Variants in CDH3 observed in about 807,000 individuals in gnomAD.
CDH3 encodes cadherin 3.
CDH3 carries 54 observed loss-of-function variants against 82.0 expected under a neutral mutation model. The observed-to-expected ratio is 0.66, with a 90% CI of 0.53 to 0.83. The LOEUF (loss-of-function observed/expected upper bound fraction) is 0.83, where lower values mean the gene tolerates loss of function less well. Among genes scored for constraint, CDH3 ranks in the 40% least tolerant of loss-of-function variants. The probability of loss-of-function intolerance (pLI) is 0.00; values close to 1 mark genes in which losing one functional copy is unlikely to be tolerated. For synonymous variants in CDH3, 446 were observed against 437.9 expected, an observed-to-expected ratio of 1.02 and a Z score of -0.23; for missense variants, 1,054 against 1,084.6, an observed-to-expected ratio of 0.97 and a Z score of 0.40.
chr16:68,675,209 A>G (rs1470294459), intron 2 of CDH3, among the ~76,000 whole-genome samples: 1 of 152,220 alleles, frequency 6.6e-6, no homozygotes, highest in East Asian at 1.9e-4. Context: ...CAAAATAATA[A>G]TAATCTGAAA....
chr16:68,695,761 C>T lies in CDH3; in HGVS notation c.2134-16C>T, dbSNP rs201401019. 19 of 1,614,008 alleles carry T rather than the reference C, an allele frequency of 1.2e-5. No individual in the cohort carries two copies. The African/African-American group carries it at 2.3e-4, about 19-fold the overall frequency. On this transcript the variant is annotated splice_polypyrimidine_tract_variant and intron_variant, in intron 14 of 15. Coordinates refer to ENST00000264012, the MANE Select transcript of CDH3 (RefSeq NM_001793.6). ...CAGGAGTCCTCAGTCACCTGCTCTCCTGCATTTCCCCACAGGACTATGACA... is the reference window on the plus strand; with the variant it reads ...CAGGAGTCCTCAGTCACCTGCTCTCTTGCATTTCCCCACAGGACTATGACA...
intron 2 of CDH3, among the ~76,000 whole-genome samples, chr16:68,666,703 C>T (rs558467264): frequency 1.3e-5 from 2 of 152,180 alleles, no homozygotes; most frequent in Non-Finnish European, 2.9e-5. Context: ...AAGAATAAAA[C>T]TATAAATATT....
Position 68,680,961 on chromosome 16 carries a change from TC to T in CDH3, c.868-3del. ...CACAATGGGCTTCCCCTCTCCTTTC[TC>T]CCCAGAAAGTCCCTGAGTACACACT... On this transcript the variant is annotated splice_region_variant and splice_polypyrimidine_tract_variant and intron_variant, in intron 7 of 15. Transcript: ENST00000264012. 6.2e-7 allele frequency: 1 copy of T among 1,614,016 alleles called. No homozygotes were observed. The highest frequency in any genetic ancestry group is 8.5e-7 in the Non-Finnish European group (1 of 1,179,962).
intron 1 of CDH3, among the ~76,000 whole-genome samples, chr16:68,712,804 C>T (rs1962046919): frequency 6.6e-6 from 1 of 152,084 alleles, no homozygotes; most frequent in South Asian, 2.1e-4. Flanking sequence ...GCCTCAGCCT[C>T]CCAAGTAGCT....
chr16:68,653,783 A>T (rs1442887302), intron 2 of CDH3, among the ~76,000 whole-genome samples: 14 of 144,878 alleles, frequency 9.7e-5, no homozygotes, highest in Non-Finnish European at 1.5e-5. Context: ...TCCGCCTCCC[A>T]GGTTCATGCC....
intron 9 of CDH3, among the ~76,000 whole-genome samples, chr16:68,683,960 G>A (rs576962938): frequency 4.0e-5 from 6 of 151,336 alleles, no homozygotes; most frequent in African/African-American, 1.2e-4. Flanking sequence ...CCAGCTACTC[G>A]AGAGGCTGAG....
Position 68,687,700 on chromosome 16 carries a change from T to C in CDH3, c.1759T>C (p.Ser587Pro), listed in dbSNP as rs745956738. Residue 587 changes from serine (S) to proline (P), a missense_variant, in exon 12 of 16, where the codon TCA (serine) becomes CCA (proline). Ser to Pro is a moderately conservative substitution (Grantham distance 74, BLOSUM62 -1). Coordinates refer to ENST00000264012, the MANE Select transcript of CDH3 (RefSeq NM_001793.6). ...SPFQAQLTDDSDIYWTAEVNE... is the reference protein window; with the variant it reads ...SPFQAQLTDDPDIYWTAEVNE... Reference sequence around the variant, plus strand: ...TTTCCAGGCCCAGCTCACAGATGACTCAGACATCTACTGGACGGCAGAGGT... The same window carrying C: ...TTTCCAGGCCCAGCTCACAGATGACCCAGACATCTACTGGACGGCAGAGGT... 6.2e-7 allele frequency: 1 copy of C among 1,613,964 alleles called. No individual in the cohort carries two copies. The highest frequency in any genetic ancestry group is 1.1e-5 in the South Asian group (1 of 91,058).
At chr16:68,714,747 A>G (rs1282223067) in intron 1 of CDH3, among the ~76,000 whole-genome samples, 1 of 152,212 alleles carries the variant, frequency 6.6e-6, no homozygotes, top group Non-Finnish European at 1.5e-5. Flanking sequence ...GGCCGGGTTC[A>G]GTGGTTTGTC....
At chr16:68,649,323 G>A (rs1329974979) in intron 2 of CDH3, among the ~76,000 whole-genome samples, 2 of 152,170 alleles carry the variant, frequency 1.3e-5, no homozygotes, top group African/African-American at 4.8e-5. Flanking sequence ...ATCTGACTGA[G>A]CACAAATTAA....
intron 9 of CDH3, among the ~76,000 whole-genome samples, chr16:68,684,353 T>C (rs562535019): frequency 2.4e-4 from 36 of 152,306 alleles, no homozygotes; most frequent in Non-Finnish European, 4.3e-4. Context: ...CTGGGAACCA[T>C]TGATCTAGGG....
rs768792420 is a variant in CDH3, at chr16:68,695,771, C to T, written c.2134-6C>T. On this transcript the variant is annotated splice_polypyrimidine_tract_variant and splice_region_variant and intron_variant, in intron 14 of 15. Coordinates refer to ENST00000264012, the MANE Select transcript of CDH3 (RefSeq NM_001793.6). Reference sequence around the variant, plus strand: ...CAGTCACCTGCTCTCCTGCATTTCCCCACAGGACTATGACATCACCCAGCT... The same window carrying T: ...CAGTCACCTGCTCTCCTGCATTTCCTCACAGGACTATGACATCACCCAGCT... 5.0e-6 allele frequency: 8 copies of T among 1,613,938 alleles called. No individual in the cohort carries two copies. Among genetic ancestry groups the T allele is most frequent in the South Asian group, 1.1e-5 (1 of 91,082 alleles).
At chr16:68,676,235 T>C in intron 2 of CDH3, 150 bp from the exon 3 acceptor site, 1 of 698,206 alleles carries the variant, frequency 1.4e-6, no homozygotes, top group Non-Finnish European at 2.6e-6. Context: ...TTAGTCACAC[T>C]CCTGGTCAGA....
At chr16:68,687,434 G>A in intron 11 of CDH3, 78 bp from the exon 12 acceptor site, 1 of 1,076,790 alleles carries the variant, frequency 9.3e-7, no homozygotes, top group Admixed American at 1.7e-5. Context: ...GTGAGAGCTG[G>A]GCGGTAAACA....
intron 8 of CDH3, among the ~76,000 whole-genome samples, chr16:68,681,495 C>A (rs181744845): frequency 1.3e-5 from 2 of 152,232 alleles, no homozygotes; most frequent in Non-Finnish European, 2.9e-5. Context: ...TACATCCTCC[C>A]CCTTCCATCT....
intron 8 of CDH3, among the ~76,000 whole-genome samples, chr16:68,681,809 G>A (rs1961237200): frequency 6.6e-6 from 1 of 152,180 alleles, no homozygotes; most frequent in African/African-American, 2.4e-5. Context: ...CTGCACTCCA[G>A]CCTGAGCGGC....
chr16:68,645,849 G>C (rs1453308936), intron 2 of CDH3, 99 bp downstream of exon 2: 5 of 896,530 alleles, frequency 5.6e-6, no homozygotes, highest in Non-Finnish European at 1.7e-6. Context: ...GGGACTCCTG[G>C]CGCCACCTCA....
At chr16:68,693,334 G>A (rs1371449598) in intron 13 of CDH3, among the ~76,000 whole-genome samples, 1 of 152,066 alleles carries the variant, frequency 6.6e-6, no homozygotes, top group East Asian at 1.9e-4. Flanking sequence ...CTAGGAGGCT[G>A]TAGCCATAAT....
intron 12 of CDH3, 86 bp from the exon 13 acceptor site, chr16:68,691,634 A>G (rs1365169397): frequency 8.0e-6 from 8 of 1,002,126 alleles, no homozygotes. Context: ...CACATGTGGA[A>G]GCCGTATTCT....
chr16:68,670,908 A>T (rs1960867157), intron 2 of CDH3, among the ~76,000 whole-genome samples: 1 of 152,004 alleles, frequency 6.6e-6, no homozygotes, highest in South Asian at 2.1e-4. Flanking sequence ...CCCTGTCTCT[A>T]CTAAGAATAC....
Sources: allele counts gnomAD v4.1 joint callset (sites outside exome capture counted in the v4.1 genomes callset), GRCh38; gene constraint gnomAD v4.1.1; transcripts MANE v1.5; gene names NCBI Gene and HGNC (gene_info 2026-07-23, HGNC 2026-07-21).